The following CTNND2 variants were observed in gnomAD, a reference collection of about 807,000 sequenced individuals.
CTNND2 encodes catenin delta 2.
A neutral mutation model predicts 144.4 loss-of-function variants in CTNND2; 22 were observed. The ratio of observed to expected loss-of-function variants is 0.15; its 90% CI spans 0.11 to 0.22. The LOEUF is 0.22. Among genes scored for constraint, CTNND2 ranks in the 10% least tolerant of loss-of-function variants. CTNND2 has a pLI of 1.00. For missense variants in CTNND2, 1,353 were observed against 1,618.8 expected (o/e 0.84, Z 2.82); for synonymous variants, 751 against 695.6 (o/e 1.08, Z -1.25).
chr5:11,091,375 AATGTTTTGAACAC>A (rs1255413596), intron 15 of CTNND2, among the ~76,000 whole-genome samples: 1 of 152,154 alleles, frequency 6.6e-6, no homozygotes, highest in African/African-American at 2.4e-5. Flanking sequence ...TAACTTTTAA[AATGTTTTGAACAC>A]ATGGAATACT....
At chr5:11,692,586 G>T (rs1337933749) in intron 2 of CTNND2, among the ~76,000 whole-genome samples, 1 of 152,110 alleles carries the variant, frequency 6.6e-6, no homozygotes, top group Non-Finnish European at 1.5e-5. Flanking sequence ...GTGGAATTTG[G>T]AAAACTAGGT....
intron 10 of CTNND2, among the ~76,000 whole-genome samples, chr5:11,230,034 A>C (rs989146048): frequency 2.0e-5 from 3 of 151,940 alleles, no homozygotes; most frequent in Non-Finnish European, 4.4e-5. Context: ...TTTCCAAAAG[A>C]ATGAAGAAAG....
At chr5:11,187,126 A>T (rs997038272) in intron 11 of CTNND2, among the ~76,000 whole-genome samples, 3 of 152,218 alleles carry the variant, frequency 2.0e-5, no homozygotes, top group Non-Finnish European at 4.4e-5. Context: ...GCATCTGCAA[A>T]GTCCTACTCT....
intron 1 of CTNND2, among the ~76,000 whole-genome samples, chr5:11,884,303 G>A (rs1369128392): frequency 6.6e-6 from 1 of 152,116 alleles, no homozygotes; most frequent in Non-Finnish European, 1.5e-5. Flanking sequence ...GGTTTTTATG[G>A]TTTTAGGTCC....
chr5:11,808,714 C>T (rs769072033), intron 1 of CTNND2, among the ~76,000 whole-genome samples: 1 of 152,208 alleles, frequency 6.6e-6, no homozygotes, highest in African/African-American at 2.4e-5. Flanking sequence ...TCACTAGAGA[C>T]AGCAATGCAA....
intron 1 of CTNND2, among the ~76,000 whole-genome samples, chr5:11,848,464 T>C (rs1183728058): frequency 6.6e-6 from 1 of 152,182 alleles, no homozygotes; most frequent in Non-Finnish European, 1.5e-5. Context: ...GGAAAATTAA[T>C]TACTACCCAT....
At chr5:11,055,044 G>T (rs1252998081) in intron 16 of CTNND2, among the ~76,000 whole-genome samples, 1 of 152,198 alleles carries the variant, frequency 6.6e-6, no homozygotes, top group Non-Finnish European at 1.5e-5. Context: ...ACCTGGCATA[G>T]GAATGCTGGC....
chr5:11,771,516 A>C (rs747824281), intron 1 of CTNND2, among the ~76,000 whole-genome samples: 2 of 152,206 alleles, frequency 1.3e-5, no homozygotes, highest in Non-Finnish European at 2.9e-5. Context: ...AGAAAAGTCA[A>C]TGTTAAAGGG....
chr5:10,991,022 T>A (rs1738616847), intron 19 of CTNND2, among the ~76,000 whole-genome samples: 1 of 152,202 alleles, frequency 6.6e-6, no homozygotes, highest in African/African-American at 2.4e-5. Flanking sequence ...CCTGCTGGAA[T>A]TACAGAAATA....
intron 9 of CTNND2, among the ~76,000 whole-genome samples, chr5:11,335,328 A>G (rs1055144048): frequency 6.6e-6 from 1 of 152,244 alleles, no homozygotes; most frequent in African/African-American, 2.4e-5. Context: ...ATTAATTTTC[A>G]TTAGTTAAAC....
chr5:11,487,194 T>C (rs181316289), intron 3 of CTNND2, among the ~76,000 whole-genome samples: 2 of 118,684 alleles, frequency 1.7e-5, no homozygotes, highest in East Asian at 4.0e-4. Context: ...AAAACTTTTA[T>C]TTAAATTCCT....
intron 14 of CTNND2, among the ~76,000 whole-genome samples, chr5:11,103,059 G>C (rs1752071254): frequency 7.7e-6 from 1 of 130,408 alleles, no homozygotes; most frequent in African/African-American, 3.0e-5. Context: ...TTGGCTCACT[G>C]CAACCTCTGC....
At chr5:11,594,838 T>C (rs184362952) in intron 2 of CTNND2, among the ~76,000 whole-genome samples, 1 of 152,326 alleles carries the variant, frequency 6.6e-6, no homozygotes, top group Admixed American at 6.5e-5. Context: ...GATTTACAAA[T>C]AAGTTAAAGT....
In CTNND2 at chr5:11,657,244, G is replaced by C. The variant is rs918226563; in HGVS notation, c.174+74892C>G. Among the ~76,000 whole-genome samples the C allele has an allele frequency of 4.6e-5, 7 of 152,140 alleles. 1 individual carries two copies. In the South Asian group the frequency reaches 1.2e-3, roughly 27 times the overall value. ...TTTGGGAATTCTCAGTCACCTTACT[G>C]AACTCGTATTTTCATTTTTTAAAGA... On this transcript the variant is annotated intron_variant, in intron 2 of 21. Coordinates refer to ENST00000304623, the MANE Select transcript of CTNND2 (RefSeq NM_001332.4).
At chr5:11,373,775 C>A (rs1238877416) in intron 7 of CTNND2, among the ~76,000 whole-genome samples, 1 of 152,152 alleles carries the variant, frequency 6.6e-6, no homozygotes, top group Non-Finnish European at 1.5e-5. Flanking sequence ...AAGGCTGAAG[C>A]TTCAGAATAT....
intron 7 of CTNND2, among the ~76,000 whole-genome samples, chr5:11,381,965 TCAAAAAAA>T (rs1581067482): frequency 1.3e-5 from 2 of 149,650 alleles, no homozygotes; most frequent in South Asian, 4.3e-4. Flanking sequence ...AGACTCTGTC[TCAAAAAAA>T]CAAAAAAACA....
At chr5:11,268,570 G>A (rs1745687392) in intron 9 of CTNND2, among the ~76,000 whole-genome samples, 1 of 152,144 alleles carries the variant, frequency 6.6e-6, no homozygotes, top group Admixed American at 6.5e-5. Context: ...ACTCCAGCCT[G>A]GGTAGCCTGG....
chr5:11,345,705 C>T (rs745971693), intron 9 of CTNND2, among the ~76,000 whole-genome samples: 1 of 151,898 alleles, frequency 6.6e-6, no homozygotes, highest in Non-Finnish European at 1.5e-5. Context: ...CATCCTTTAA[C>T]TCTACAGGGA....
intron 1 of CTNND2, among the ~76,000 whole-genome samples, chr5:11,847,128 T>TTA (rs56978156): frequency 0.024 from 1,738 of 71,950 alleles, 37 homozygotes; most frequent in East Asian, 0.029. Context: ...GTCAAAGATT[T>TTA]TATATATATA....
Sources: gnomAD v4.1 joint callset for allele counts (sites outside exome capture counted in the v4.1 genomes callset) on GRCh38, gnomAD v4.1.1 for gene constraint, MANE v1.5 for transcripts, NCBI Gene and HGNC (gene_info 2026-07-23, HGNC 2026-07-21) for gene names.